The following PARD3B variants were observed in gnomAD, a reference collection of about 807,000 sequenced individuals.
PARD3B encodes the protein partitioning defective 3 homolog B.
PARD3B carries 103 observed loss-of-function variants against 130.2 expected under a neutral mutation model. The ratio of observed to expected loss-of-function variants is 0.79; its 90% CI spans 0.67 to 0.93. The LOEUF (loss-of-function observed/expected upper bound fraction) is 0.93, where lower values mean the gene tolerates loss of function less well. Among genes scored for constraint, PARD3B ranks in the 40% least tolerant of loss-of-function variants. PARD3B has a pLI of 0.00. For synonymous variants in PARD3B, 583 were observed against 553.2 expected (o/e 1.05, Z -0.76); for missense variants, 1,609 against 1,499.2 (o/e 1.07, Z -1.21).
intron 2 of PARD3B, among the ~76,000 whole-genome samples, chr2:204,745,041 A>G (rs780525692): frequency 1.3e-5 from 2 of 152,152 alleles, no homozygotes; most frequent in Non-Finnish European, 2.9e-5. Flanking sequence ...AAATAAAGAC[A>G]GGAAGAGACA....
chr2:205,017,031 A>G (rs903351520), intron 3 of PARD3B, among the ~76,000 whole-genome samples: 20 of 152,170 alleles, frequency 1.3e-4, no homozygotes, highest in African/African-American at 4.8e-4. Context: ...AGATTTGAGA[A>G]AGGTCTTTGA....
chr2:204,888,409 G>A, intron 2 of PARD3B, among the ~76,000 whole-genome samples: 1 of 152,024 alleles, frequency 6.6e-6, no homozygotes, highest in Admixed American at 6.5e-5. Flanking sequence ...GAACAGATGA[G>A]GCCTTGAAGT....
chr2:205,314,488 C>G (rs973396253), intron 18 of PARD3B, among the ~76,000 whole-genome samples: 2 of 152,086 alleles, frequency 1.3e-5, no homozygotes, highest in African/African-American at 4.8e-5. Context: ...CAACATCAAA[C>G]CAGCAATTTA....
intron 16 of PARD3B, among the ~76,000 whole-genome samples, chr2:205,250,066 T>A (rs1401275725): frequency 6.6e-6 from 1 of 152,032 alleles, no homozygotes; most frequent in Non-Finnish European, 1.5e-5. Context: ...TTTTTTATTG[T>A]TATGCTTTAA....
At chr2:204,951,845 G>A (rs1392336125) in intron 2 of PARD3B, among the ~76,000 whole-genome samples, 1 of 152,104 alleles carries the variant, frequency 6.6e-6, no homozygotes, top group Non-Finnish European at 1.5e-5. Flanking sequence ...GAGGACTTTG[G>A]TGAGAGTCAA....
chr2:204,876,299 C>T (rs1326574811), intron 2 of PARD3B, among the ~76,000 whole-genome samples: 1 of 152,204 alleles, frequency 6.6e-6, no homozygotes, highest in African/African-American at 2.4e-5. Flanking sequence ...TCAACTGAAT[C>T]AACGCTTGGT....
In PARD3B at chr2:205,300,594, G is replaced by T. The variant is rs770310583; in HGVS notation, c.2250G>T (p.Leu750=). 6.2e-7 allele frequency: 1 copy of T among 1,613,926 alleles called. No individual in the cohort carries two copies. Among genetic ancestry groups the T allele is most frequent in the Non-Finnish European group, 8.5e-7 (1 of 1,180,000 alleles). The part of the protein sequence containing the change: ...GLKKSSSLES[L]QTAVAEVRKN... ...AAAAGTCCAGCTCCTTGGAGAGTCT[G>T]CAGACTGCAGTGGCCGAGGTCAGGA... Residue 750 remains leucine, a synonymous_variant, in exon 17 of 23, where the codon CTG becomes CTT. Transcript: ENST00000406610. The surrounding 1 kb of genome is among the most constrained non-coding windows in gnomAD (Gnocchi z 4.1).
At chr2:204,564,600 A>G (rs1365517175) in intron 1 of PARD3B, among the ~76,000 whole-genome samples, 3 of 152,200 alleles carry the variant, frequency 2.0e-5, no homozygotes, top group Non-Finnish European at 2.9e-5. Context: ...AAGTTAAAAT[A>G]CTTATTTTTA....
At chr2:204,548,580 T>C (rs1056401082) in intron 1 of PARD3B, among the ~76,000 whole-genome samples, 2 of 152,238 alleles carry the variant, frequency 1.3e-5, no homozygotes, top group East Asian at 1.9e-4. Flanking sequence ...TTGTTATGAA[T>C]TGGAATTTAT....
intron 3 of PARD3B, among the ~76,000 whole-genome samples, chr2:205,045,271 CAG>C (rs1698694766): frequency 6.6e-6 from 1 of 150,770 alleles, no homozygotes; most frequent in South Asian, 2.1e-4. Flanking sequence ...TATTTTGAGA[CAG>C]AGTCTCACTC....
chr2:205,031,723 C>A (rs1002796426), intron 3 of PARD3B, among the ~76,000 whole-genome samples: 2 of 152,180 alleles, frequency 1.3e-5, no homozygotes, highest in East Asian at 3.9e-4. Context: ...GAAATTGAGG[C>A]AAAATGGGCT....
At chr2:204,687,840 G>C (rs186876552) in intron 2 of PARD3B, among the ~76,000 whole-genome samples, 1 of 152,160 alleles carries the variant, frequency 6.6e-6, no homozygotes, top group African/African-American at 2.4e-5. Context: ...AAAATGAAGG[G>C]CCAAAAAATG....
intron 5 of PARD3B, among the ~76,000 whole-genome samples, chr2:205,106,921 C>T (rs1045457884): frequency 6.6e-6 from 1 of 152,096 alleles, no homozygotes; most frequent in African/African-American, 2.4e-5. Context: ...GGCATTGATT[C>T]TAGCCAGTAT....
intron 1 of PARD3B, among the ~76,000 whole-genome samples, chr2:204,553,239 T>C (rs552378500): frequency 3.3e-5 from 5 of 152,142 alleles, no homozygotes; most frequent in South Asian, 2.1e-4. Flanking sequence ...ATGGCCATCA[T>C]CAAAAAATTT....
At chr2:204,724,723 A>G (rs1408338692) in intron 2 of PARD3B, among the ~76,000 whole-genome samples, 1 of 151,988 alleles carries the variant, frequency 6.6e-6, no homozygotes, top group Non-Finnish European at 1.5e-5. Flanking sequence ...ATAGTAGAAA[A>G]TACTGTCCTT....
intron 2 of PARD3B, among the ~76,000 whole-genome samples, chr2:204,903,046 A>C (rs906391655): frequency 6.6e-6 from 1 of 152,226 alleles, no homozygotes; most frequent in Non-Finnish European, 1.5e-5. Context: ...TGTTGAGGTA[A>C]TTGAGTGAGA....
chr2:204,643,612 A>AT lies in PARD3B; in HGVS notation c.121-42562dup, dbSNP rs958703358. On this transcript the variant is annotated intron_variant, in intron 1 of 22. Coordinates refer to ENST00000406610, the MANE Select transcript of PARD3B (RefSeq NM_001302769.2). ...TAAAACATTATGAGATTTTTTTGTGATTTTTTTAAGCTCATCAGCTATTGT... is the reference window on the plus strand; with the variant it reads ...TAAAACATTATGAGATTTTTTTGTGATTTTTTTTAAGCTCATCAGCTATTGT... Among the ~76,000 whole-genome samples, 510 of 152,008 alleles carry AT rather than the reference A, an allele frequency of 3.4e-3. 2 individuals are homozygous for AT. The highest frequency in any genetic ancestry group is 0.012 in the African/African-American group (480 of 41,458).
At chr2:205,201,608 C>T (rs1483751201) in intron 15 of PARD3B, among the ~76,000 whole-genome samples, 5 of 152,132 alleles carry the variant, frequency 3.3e-5, no homozygotes, top group Non-Finnish European at 7.4e-5. Context: ...GGGGCCAAGG[C>T]GGGCAGATCA....
intron 22 of PARD3B, among the ~76,000 whole-genome samples, chr2:205,596,711 A>G (rs35671902): frequency 0.19 from 29,649 of 152,108 alleles, 3,473 homozygotes; most frequent in East Asian, 0.43. Flanking sequence ...CATCCCCAAA[A>G]TGTATGTAAT....
Sources: allele counts gnomAD v4.1 joint callset (sites outside exome capture counted in the v4.1 genomes callset), GRCh38; gene constraint gnomAD v4.1.1; non-coding constraint Gnocchi (gnomAD v3.1); transcripts MANE v1.5; gene names NCBI Gene and HGNC (gene_info 2026-07-23, HGNC 2026-07-21).